MEF2C: variants seen among roughly 807,000 people sequenced by gnomAD.
MEF2C encodes the protein myocyte-specific enhancer factor 2C.
In MEF2C, 6 loss-of-function variants were observed where a neutral mutation model predicts 50.5. The ratio of observed to expected loss-of-function variants is 0.12; its 90% CI spans 0.07 to 0.23. The LOEUF (loss-of-function observed/expected upper bound fraction) is 0.23. Among genes scored for constraint, MEF2C ranks in the 10% least tolerant of loss-of-function variants. The probability of loss-of-function intolerance (pLI) is 1.00; values close to 1 mark genes in which losing one functional copy is unlikely to be tolerated. For synonymous variants in MEF2C, 183 were observed against 228.0 expected, an observed-to-expected ratio of 0.80 and a Z score of 1.78; for missense variants, 276 against 605.0, an observed-to-expected ratio of 0.46 and a Z score of 5.70.
chr5:88,811,871 G>A (rs759452844), intron 2 of MEF2C, among the ~76,000 whole-genome samples: 1 of 152,068 alleles, frequency 6.6e-6, no homozygotes, highest in Non-Finnish European at 1.5e-5. Context: ...CATAAAAATT[G>A]AAAACCAAGT....
chr5:88,850,163 C>T (rs1400445730), intron 1 of MEF2C, among the ~76,000 whole-genome samples: 3 of 151,994 alleles, frequency 2.0e-5, no homozygotes, highest in African/African-American at 4.8e-5. Context: ...TCAACTTCCC[C>T]CTATGAGTGA....
intron 6 of MEF2C, chr5:88,735,770 G>T (rs1349965338): frequency 1.0e-6 from 1 of 985,318 alleles, no homozygotes; most frequent in Non-Finnish European, 1.2e-6. Context: ...TTAAGAAGTC[G>T]TAAATTCAAA....
At chr5:88,831,260 C>T (rs565330174) in intron 1 of MEF2C, among the ~76,000 whole-genome samples, 24 of 151,946 alleles carry the variant, frequency 1.6e-4, no homozygotes, top group Admixed American at 3.9e-4. Flanking sequence ...TTTAGTCTGT[C>T]GAAATGTGTA....
chr5:88,734,594 T>TCA, intron 6 of MEF2C: 8 of 732,412 alleles, frequency 1.1e-5, no homozygotes, highest in African/African-American at 2.2e-5. Flanking sequence ...TTTTTTTTTT[T>TCA]TTTTAGCATT....
chr5:88,822,966 A>G (rs1298609623), intron 2 of MEF2C, among the ~76,000 whole-genome samples: 3 of 151,962 alleles, frequency 2.0e-5, no homozygotes, highest in African/African-American at 4.8e-5. Context: ...TAGCCTAACT[A>G]AATCCACTCT....
chr5:88,804,543 G>A, intron 3 of MEF2C, 55 bp downstream of exon 3: 1 of 1,516,622 alleles, frequency 6.6e-7, no homozygotes, highest in Middle Eastern at 2.2e-4. Context: ...GGCAGGGGGA[G>A]GTCCAAACTC....
chr5:88,791,033 T>C (rs888079053), intron 3 of MEF2C, among the ~76,000 whole-genome samples: 8 of 152,244 alleles, frequency 5.3e-5, no homozygotes, highest in African/African-American at 1.9e-4. Context: ...GAATATTTCA[T>C]GACTATATAT....
intron 1 of MEF2C, among the ~76,000 whole-genome samples, chr5:88,847,954 A>G (rs1447222678): frequency 6.6e-6 from 1 of 152,198 alleles, no homozygotes; most frequent in East Asian, 1.9e-4. Flanking sequence ...TCTAAATTAC[A>G]AAAGTTAGAG....
At chr5:88,883,303 G>A (rs1312879813), upstream of MEF2C, 2 of 152,490 alleles carry the variant, frequency 1.3e-5, no homozygotes, top group African/African-American at 4.9e-5. Flanking sequence ...CCGCTCGGAA[G>A]AGGAGGAGGA....
At chr5:88,869,303 A>ATACG (rs1554051014) in intron 1 of MEF2C, among the ~76,000 whole-genome samples, 3 of 105,548 alleles carry the variant, frequency 2.8e-5, no homozygotes, top group Admixed American at 2.2e-4. Context: ...ATACACATAT[A>ATACG]TATATATATA....
At chr5:88,791,281 G>A (rs1018740240) in intron 3 of MEF2C, among the ~76,000 whole-genome samples, 1 of 152,134 alleles carries the variant, frequency 6.6e-6, no homozygotes, top group African/African-American at 2.4e-5. Context: ...TATGGTGGGA[G>A]TCAGGTGAAG....
chr5:88,876,903 A>C (rs1229297058), intron 1 of MEF2C, among the ~76,000 whole-genome samples: 1 of 152,004 alleles, frequency 6.6e-6, no homozygotes, highest in African/African-American at 2.4e-5. Context: ...GGAAAACCAG[A>C]CCACCACGCT....
chr5:88,828,258 G>T (rs1811720853), intron 1 of MEF2C, among the ~76,000 whole-genome samples: 1 of 151,910 alleles, frequency 6.6e-6, no homozygotes, highest in Non-Finnish European at 1.5e-5. Context: ...GATGTGGGAA[G>T]AAATTAATTC....
At chr5:88,833,172 A>G (rs1022751724) in intron 1 of MEF2C, among the ~76,000 whole-genome samples, 1 of 152,170 alleles carries the variant, frequency 6.6e-6, no homozygotes, top group African/African-American at 2.4e-5. Flanking sequence ...TAATAACTGT[A>G]TCCCTCTCAA....
chr5:88,838,838 C>A (rs1426541347), intron 1 of MEF2C: 1 of 511,304 alleles, frequency 2.0e-6, no homozygotes, highest in African/African-American at 2.1e-5. Context: ...AAATTTTATA[C>A]AGTTACCTAC....
intron 4 of MEF2C, among the ~76,000 whole-genome samples, chr5:88,753,086 GT>G (rs1488289323): frequency 6.6e-6 from 1 of 151,680 alleles, no homozygotes; most frequent in African/African-American, 2.4e-5. Flanking sequence ...TCAGTTGGTT[GT>G]TTTTTTTGGT....
intron 1 of MEF2C, among the ~76,000 whole-genome samples, chr5:88,899,602 C>T (rs1431230775): frequency 6.6e-6 from 1 of 152,102 alleles, no homozygotes; most frequent in Non-Finnish European, 1.5e-5. Context: ...CTCTTTAACT[C>T]TAATGAGGAA....
At chr5:88,785,555 C>T (rs558642473) in intron 3 of MEF2C, 139 of 152,262 alleles carry the variant, frequency 9.1e-4, no homozygotes, top group African/African-American at 3.2e-3. Context: ...GTCAGCTGCT[C>T]TCTTAAGGTA....
chr5:88,816,833 AATC>A (rs761477394), intron 2 of MEF2C, among the ~76,000 whole-genome samples: 4 of 152,092 alleles, frequency 2.6e-5, no homozygotes, highest in Non-Finnish European at 2.9e-5. Flanking sequence ...AAGAAAAAAC[AATC>A]ATCATCATCA....
Sources: gnomAD v4.1 joint callset for allele counts (sites outside exome capture counted in the v4.1 genomes callset) on GRCh38, gnomAD v4.1.1 for gene constraint, MANE v1.5 for transcripts, NCBI Gene and HGNC (gene_info 2026-07-23, HGNC 2026-07-21) for gene names.